BPIFB1: variants seen among roughly 807,000 people sequenced by gnomAD.
BPIFB1 encodes BPI fold containing family B member 1.
A neutral mutation model predicts 55.1 loss-of-function variants in BPIFB1; 34 were observed. The observed-to-expected ratio is 0.62, with a 90% confidence interval of 0.47 to 0.82. The LOEUF (loss-of-function observed/expected upper bound fraction) is 0.82, where lower values mean the gene tolerates loss of function less well. Among genes scored for constraint, BPIFB1 ranks in the 40% least tolerant of loss-of-function variants. The probability of loss-of-function intolerance (pLI) is 0.00; values close to 1 mark genes in which losing one functional copy is unlikely to be tolerated. For synonymous variants in BPIFB1, 236 were observed against 245.3 expected, an observed-to-expected ratio of 0.96 and a Z score of 0.35; for missense variants, 532 against 593.1, an observed-to-expected ratio of 0.90 and a Z score of 1.07.
In BPIFB1 at chr20:33,286,139, C is replaced by T. The variant is rs1321018720; in HGVS notation, c.66C>T (p.Thr22=). Residue 22 remains threonine, a synonymous_variant, in exon 2 of 16, where the codon ACC becomes ACT. Coordinates refer to ENST00000253354, the MANE Select transcript of BPIFB1 (RefSeq NM_033197.3). ...GLLAATLIQA[T]LSPTAVLILG... is the part of the protein sequence containing the mutation. ...TGGCAGCCACCTTGATCCAAGCCACCCTCAGTCCCACTGCAGTTCTCATCC... is the reference window on the plus strand; with the variant it reads ...TGGCAGCCACCTTGATCCAAGCCACTCTCAGTCCCACTGCAGTTCTCATCC... 1.2e-6 allele frequency: 2 copies of T among 1,614,210 alleles called. No homozygotes were observed. The highest frequency in any genetic ancestry group is 1.7e-5 in the Admixed American group (1 of 60,028).
chr20:33,289,025 A>T, intron 3 of BPIFB1, 143 bp downstream of exon 3: 1 of 966,436 alleles, frequency 1.0e-6, no homozygotes, highest in Non-Finnish European at 1.5e-6. Flanking sequence ...CCCTCCGTCA[A>T]GAAGCTCCCA....
chr20:33,306,646 G>T, intron 14 of BPIFB1: 1 of 489,024 alleles, frequency 2.0e-6, no homozygotes, highest in Admixed American at 3.4e-5. Context: ...TGGGGATAAT[G>T]GGAGCCCCTG....
chr20:33,283,941 G>T (rs2146523851), intron 1 of BPIFB1, among the ~76,000 whole-genome samples: 1 of 152,290 alleles, frequency 6.6e-6, no homozygotes, highest in South Asian at 2.1e-4. Flanking sequence ...AGGACAGACA[G>T]AGTCAAGGTA....
chr20:33,297,186 G>T (rs904493599), intron 6 of BPIFB1, among the ~76,000 whole-genome samples: 3 of 152,228 alleles, frequency 2.0e-5, no homozygotes, highest in Admixed American at 2.0e-4. Flanking sequence ...TTCCCAAAGT[G>T]CTGGGATTAC....
chr20:33,295,067 T>C (rs112944200), intron 6 of BPIFB1, among the ~76,000 whole-genome samples: 1,523 of 150,830 alleles, frequency 0.01, 23 homozygotes, highest in African/African-American at 0.036. Flanking sequence ...ATACAAAAAT[T>C]AGCTGGGCGC....
chr20:33,292,152 T>C (rs1248541888), intron 6 of BPIFB1, among the ~76,000 whole-genome samples, 164 bp downstream of exon 6: 4 of 152,222 alleles, frequency 2.6e-5, no homozygotes, highest in African/African-American at 4.8e-5. Context: ...GGGTGGGCCA[T>C]TGACCCAGGC....
intron 7 of BPIFB1, among the ~76,000 whole-genome samples, chr20:33,298,175 T>C (rs987767802): frequency 1.3e-5 from 2 of 152,198 alleles, no homozygotes; most frequent in Non-Finnish European, 1.5e-5. Context: ...GTTCTATCCA[T>C]CTCGTTGCAG....
At chr20:33,306,277 C>T (rs561646577) in intron 14 of BPIFB1, among the ~76,000 whole-genome samples, 43 of 152,270 alleles carry the variant, frequency 2.8e-4, no homozygotes, top group African/African-American at 9.6e-4. Context: ...AGCAGTGGGC[C>T]AGACTTGCAG....
chr20:33,304,920 C>T (rs376529951), intron 13 of BPIFB1, 29 bp downstream of exon 13: 1,147 of 1,612,624 alleles, frequency 7.1e-4, no homozygotes, highest in Non-Finnish European at 8.7e-4. Context: ...TGCCTGAGGG[C>T]ACAGGGGGTG....
chr20:33,288,659 A>G (rs1600661550), intron 2 of BPIFB1, 82 bp from the exon 3 acceptor site: 8 of 1,526,240 alleles, frequency 5.2e-6, no homozygotes, highest in Non-Finnish European at 7.1e-6. Flanking sequence ...CTCGAGTGAT[A>G]CCCCTCCCCA....
chr20:33,299,307 G>A (rs1377922712), intron 7 of BPIFB1: 2 of 400,628 alleles, frequency 5.0e-6, no homozygotes, highest in Non-Finnish European at 1.0e-5. Flanking sequence ...ACCGCCACCT[G>A]GCGGCCAAGT....
intron 5 of BPIFB1, 102 bp from the exon 6 acceptor site, chr20:33,291,805 G>T (rs575486274): frequency 2.3e-5 from 25 of 1,095,728 alleles, no homozygotes; most frequent in Non-Finnish European, 8.2e-6. Flanking sequence ...CCTTGGGCAG[G>T]TTCCTTCCTC....
intron 10 of BPIFB1, 147 bp from the exon 11 acceptor site, chr20:33,302,769 T>G: frequency 1.1e-6 from 1 of 879,962 alleles, no homozygotes; most frequent in Non-Finnish European, 1.7e-6. Context: ...CAACACAACA[T>G]TCAAGGATCT....
intron 6 of BPIFB1, among the ~76,000 whole-genome samples, chr20:33,295,138 C>T (rs1980594980): frequency 6.6e-6 from 1 of 151,922 alleles, no homozygotes. Context: ...TCACTTGAAC[C>T]CAAGAGGCGG....
intron 2 of BPIFB1, among the ~76,000 whole-genome samples, chr20:33,287,914 C>T (rs923357529): frequency 2.0e-5 from 3 of 152,194 alleles, no homozygotes; most frequent in Non-Finnish European, 4.4e-5. Context: ...AGAGTCTCCA[C>T]TGAAAGGGCT....
chr20:33,293,075 C>T (rs1980525126), intron 6 of BPIFB1, among the ~76,000 whole-genome samples: 1 of 152,208 alleles, frequency 6.6e-6, no homozygotes, highest in African/African-American at 2.4e-5. Flanking sequence ...ATGAGCACCA[C>T]CAGGCATGGC....
At chr20:33,290,095 G>A in intron 4 of BPIFB1, 103 bp downstream of exon 4, 1 of 882,044 alleles carries the variant, frequency 1.1e-6, no homozygotes. Flanking sequence ...AGAGTTCCGA[G>A]CAGAGAGAAG....
At chr20:33,307,293 G>A (rs555436074) in intron 15 of BPIFB1, 198 of 323,658 alleles carry the variant, frequency 6.1e-4, no homozygotes, top group Admixed American at 1.4e-3. Context: ...GCTTCTGAGT[G>A]CTTGAGGCCA....
chr20:33,288,040 C>T lies in BPIFB1; in HGVS notation c.116-701C>T, dbSNP rs138695048. Among the ~76,000 whole-genome samples the T allele has an allele frequency of 2.6e-4, 39 of 152,310 alleles. No homozygotes were observed. In the East Asian group the frequency reaches 7.3e-3, roughly 29 times the overall value. ...AGGCTATAACCCAGGAGCTCTGATA[C>T]ACAATGAGGGACACACATCTGAGCC... On this transcript the variant is annotated intron_variant, in intron 2 of 15. Transcript: ENST00000253354.
Sources: allele counts gnomAD v4.1 joint callset (sites outside exome capture counted in the v4.1 genomes callset), GRCh38; gene constraint gnomAD v4.1.1; transcripts MANE v1.5; gene names NCBI Gene and HGNC (gene_info 2026-07-23, HGNC 2026-07-21).